DCDC1: variants seen among roughly 807,000 people sequenced by gnomAD.
DCDC1 encodes the protein doublecortin domain-containing protein 1.
In DCDC1, 200 loss-of-function variants were observed where a neutral mutation model predicts 178.3. The ratio of observed to expected loss-of-function variants is 1.12; its 90% CI spans 1.00 to 1.26. The LOEUF (loss-of-function observed/expected upper bound fraction) is 1.26, where lower values mean the gene tolerates loss of function less well. Ranked by LOEUF, DCDC1 falls within the 50% of genes most tolerant of loss-of-function variation. The pLI is 0.00. For synonymous variants in DCDC1, 690 were observed against 604.8 expected, an observed-to-expected ratio of 1.14 and a Z score of -2.07; for missense variants, 1,983 against 1,749.2, an observed-to-expected ratio of 1.13 and a Z score of -2.38.
intron 38 of DCDC1, among the ~76,000 whole-genome samples, chr11:30,866,505 G>C (rs1252986568): frequency 6.6e-6 from 1 of 152,164 alleles, no homozygotes; most frequent in Admixed American, 6.5e-5. Context: ...AGCCCCTAAG[G>C]GTCCCAGCTC....
chr11:31,256,054 T>C (rs1944399221), intron 8 of DCDC1, among the ~76,000 whole-genome samples: 1 of 152,222 alleles, frequency 6.6e-6, no homozygotes, highest in Non-Finnish European at 1.5e-5. Flanking sequence ...TATCCAGTTC[T>C]ACCAGCACCA....
chr11:30,882,863 G>A (rs1942811638), intron 36 of DCDC1: 1 of 152,158 alleles, frequency 6.6e-6, no homozygotes, highest in African/African-American at 2.4e-5. Context: ...TATCTGTGTT[G>A]TGTTACCCCT....
chr11:31,271,544 CTGTTCCAGTTT>C (rs1289480691), intron 7 of DCDC1, among the ~76,000 whole-genome samples: 1 of 152,148 alleles, frequency 6.6e-6, no homozygotes, highest in Non-Finnish European at 1.5e-5. Context: ...CATTCTCAGC[CTGTTCCAGTTT>C]GGCTTTTTTA....
At chr11:31,102,852 C>T (rs763667706) in intron 14 of DCDC1, among the ~76,000 whole-genome samples, 7 of 152,110 alleles carry the variant, frequency 4.6e-5, no homozygotes, top group East Asian at 1.9e-4. Context: ...TTTTATTGGA[C>T]GGCACTAAAT....
chr11:30,948,840 A>G (rs1286604740), intron 21 of DCDC1, among the ~76,000 whole-genome samples: 1 of 152,182 alleles, frequency 6.6e-6, no homozygotes, highest in Non-Finnish European at 1.5e-5. Context: ...CTTACACCAT[A>G]TACAAAAATT....
intron 9 of DCDC1, among the ~76,000 whole-genome samples, chr11:31,216,791 T>A (rs1973630254): frequency 6.6e-6 from 1 of 152,142 alleles, no homozygotes; most frequent in South Asian, 2.1e-4. Flanking sequence ...AAGATCTCCC[T>A]CATTTTCCCA....
At chr11:31,012,608 A>C (rs1952240851) in intron 20 of DCDC1, among the ~76,000 whole-genome samples, 1 of 136,774 alleles carries the variant, frequency 7.3e-6, no homozygotes, top group South Asian at 2.3e-4. Flanking sequence ...CTGTCTCAAC[A>C]AAAAAAAAAA....
chr11:31,027,964 TAAAG>T (rs1953347258), intron 20 of DCDC1, among the ~76,000 whole-genome samples: 1 of 151,752 alleles, frequency 6.6e-6, no homozygotes, highest in African/African-American at 2.4e-5. Context: ...ACCTCAGTCT[TAAAG>T]AAAATTGTAC....
chr11:31,108,268 A>G (rs1425790928), intron 12 of DCDC1, among the ~76,000 whole-genome samples: 1 of 152,210 alleles, frequency 6.6e-6, no homozygotes, highest in Non-Finnish European at 1.5e-5. Flanking sequence ...CAGCATAGCC[A>G]ATTCCTTTGA....
At chr11:31,225,783 G>C (rs79458981) in intron 9 of DCDC1, among the ~76,000 whole-genome samples, 1 of 150,370 alleles carries the variant, frequency 6.7e-6, no homozygotes, top group African/African-American at 2.5e-5. Flanking sequence ...AAAATCTGAA[G>C]AAAGGATTTG....
rs1340246349 is a variant in DCDC1 at position 30,920,973 on chromosome 11, T to C, written c.3134-38A>G. On this transcript the variant is annotated intron_variant, in intron 24 of 38. Coordinates refer to ENST00000684477, the MANE Select transcript of DCDC1 (RefSeq NM_001387274.1). ...TCACAAATTGCAAAGACATATTACTTACAATTGCAGAGCATCAGGAATTTA... is the reference window on the plus strand; with the variant it reads ...TCACAAATTGCAAAGACATATTACTCACAATTGCAGAGCATCAGGAATTTA... The C allele has an allele frequency of 3.2e-6, 5 of 1,573,128 alleles. No individual in the cohort carries two copies. The South Asian group carries it at 5.8e-5, about 18-fold the overall frequency.
intron 9 of DCDC1, among the ~76,000 whole-genome samples, chr11:31,194,700 A>AT (rs745916007): frequency 2.1e-4 from 32 of 150,374 alleles, no homozygotes; most frequent in East Asian, 7.8e-4. Context: ...CATTTGTTTC[A>AT]TTTTTTTTTG....
At chr11:31,098,041 T>A (rs1022799840) in intron 15 of DCDC1, among the ~76,000 whole-genome samples, 6 of 152,202 alleles carry the variant, frequency 3.9e-5, no homozygotes, top group Non-Finnish European at 8.8e-5. Context: ...CAGAAAGTTG[T>A]CACTAATGTC....
At chr11:30,889,104 T>C (rs1374449320) in intron 36 of DCDC1, among the ~76,000 whole-genome samples, 1 of 152,180 alleles carries the variant, frequency 6.6e-6, no homozygotes, top group Non-Finnish European at 1.5e-5. Context: ...TTCTGTAGAA[T>C]TAGAGAGCTG....
At chr11:31,189,307 A>G (rs1326510131) in intron 9 of DCDC1, among the ~76,000 whole-genome samples, 1 of 152,172 alleles carries the variant, frequency 6.6e-6, no homozygotes, top group East Asian at 1.9e-4. Flanking sequence ...CACATTGGAA[A>G]AGTAGATAAT....
rs372352243 is a variant in DCDC1, at chr11:31,031,976, T to C, written c.2591+32493A>G. On this transcript the variant is annotated intron_variant, in intron 20 of 38. Coordinates refer to ENST00000684477, the MANE Select transcript of DCDC1 (RefSeq NM_001387274.1). ...AAATAATATTTTTCTAAGTGGTATATATTTAGTTAAATCAAGTGACACAAT... is the reference window on the plus strand; with the variant it reads ...AAATAATATTTTTCTAAGTGGTATACATTTAGTTAAATCAAGTGACACAAT... Among the ~76,000 whole-genome samples the C allele has an allele frequency of 2.0e-5, 3 of 152,206 alleles. No individual in the cohort carries two copies. In the East Asian group the frequency reaches 5.8e-4, roughly 29 times the overall value.
At chr11:30,909,409 T>C (rs1013933698) in intron 28 of DCDC1, among the ~76,000 whole-genome samples, 2 of 152,266 alleles carry the variant, frequency 1.3e-5, no homozygotes, top group East Asian at 3.9e-4. Context: ...TAAAAATATA[T>C]ACCATTTCAT....
intron 21 of DCDC1, among the ~76,000 whole-genome samples, chr11:30,933,209 C>T (rs1028205732): frequency 2.6e-5 from 4 of 151,824 alleles, no homozygotes; most frequent in African/African-American, 9.7e-5. Flanking sequence ...GGCAAATATG[C>T]TCACCTTTTT....
chr11:30,956,054 T>C (rs1398283624), intron 20 of DCDC1, among the ~76,000 whole-genome samples: 2 of 152,166 alleles, frequency 1.3e-5, no homozygotes, highest in African/African-American at 4.8e-5. Context: ...GACACTACTG[T>C]CATCTAACTG....
Sources: gnomAD v4.1 joint callset for allele counts (sites outside exome capture counted in the v4.1 genomes callset) on GRCh38, gnomAD v4.1.1 for gene constraint, MANE v1.5 for transcripts, NCBI Gene and HGNC (gene_info 2026-07-23, HGNC 2026-07-21) for gene names.